PAK3: variants seen among roughly 807,000 people sequenced by gnomAD.
PAK3 encodes serine/threonine-protein kinase PAK 3.
A neutral mutation model predicts 41.0 loss-of-function variants in PAK3; 4 were observed. The observed-to-expected ratio is 0.10, with a 90% confidence interval of 0.05 to 0.22. The LOEUF is 0.22. Ranked by LOEUF, PAK3 falls within the 10% of genes least tolerant of loss-of-function variation. PAK3 has a pLI of 1.00. For missense variants in PAK3, 205 were observed against 409.9 expected, an observed-to-expected ratio of 0.50 and a Z score of 4.32; for synonymous variants, 146 against 139.6, an observed-to-expected ratio of 1.05 and a Z score of -0.32.
intron 1 of PAK3, among the ~76,000 whole-genome samples, chrX:110,958,336 A>G (rs2090908656): frequency 9.0e-6 from 1 of 111,435 alleles, no homozygotes; most frequent in African/African-American, 3.3e-5. Flanking sequence ...AATCAGGGTA[A>G]TGTAATTCAT....
At chrX:111,111,596 C>T (rs1184378039) in intron 4 of PAK3, among the ~76,000 whole-genome samples, 1 of 111,928 alleles carries the variant, frequency 8.9e-6, no homozygotes, top group African/African-American at 3.2e-5. Flanking sequence ...CTAATGGTTG[C>T]TAATACAAGG....
chrX:111,158,790 T>C lies in PAK3; in HGVS notation c.469-4125T>C, dbSNP rs138114648. 1.9e-3 allele frequency among the ~76,000 whole-genome samples: 214 copies of C among 112,263 alleles called. 1 individual carries two copies. The highest frequency in any genetic ancestry group is 4.3e-3 in the Admixed American group (45 of 10,582). Reference sequence around the variant, plus strand: ...ATGGGGAATGGTTTCCACTGGAAGTTAGCAGTGAAGATAGTAATGAATGTT... The same window carrying C: ...ATGGGGAATGGTTTCCACTGGAAGTCAGCAGTGAAGATAGTAATGAATGTT... On this transcript the variant is annotated intron_variant, in intron 8 of 17. Coordinates refer to ENST00000372007, the MANE Select transcript of PAK3 (RefSeq NM_002578.5).
At chrX:111,145,723 T>C (rs1259468181) in intron 6 of PAK3, among the ~76,000 whole-genome samples, 1 of 111,926 alleles carries the variant, frequency 8.9e-6, no homozygotes, top group Non-Finnish European at 1.9e-5. Flanking sequence ...GGGTCAAGCA[T>C]GTTTCTGTAG....
In PAK3 at chrX:111,101,657, C is replaced by T. The variant is rs187146115; in HGVS notation, c.-175-1502C>T. 4.5e-5 allele frequency among the ~76,000 whole-genome samples: 5 copies of T among 111,989 alleles called. No individual in the cohort carries two copies. The East Asian group carries it at 1.1e-3, about 25-fold the overall frequency. Reference sequence around the variant, plus strand: ...CCATTCTTCCTGTGTCCTCCTTGAGCCCCACCCCTCTCTGGAGCTTTGGCA... The same window carrying T: ...CCATTCTTCCTGTGTCCTCCTTGAGTCCCACCCCTCTCTGGAGCTTTGGCA... On this transcript the variant is annotated intron_variant, in intron 3 of 17. Coordinates refer to ENST00000372007, the MANE Select transcript of PAK3 (RefSeq NM_002578.5).
rs2093227731 is a variant in PAK3 at position 111,105,096 on chromosome X, T to C, written c.-28+1790T>C. ...TCATTCAAAATGATGATCACTCTTA[T>C]GCCCTCACCCTCACACACAATCATA... On this transcript the variant is annotated intron_variant, in intron 4 of 17. Transcript: ENST00000372007. Among the ~76,000 whole-genome samples the C allele has an allele frequency of 3.6e-5, 4 of 111,860 alleles. No homozygotes were observed. The South Asian group carries it at 1.5e-3, about 42-fold the overall frequency.
chrX:111,039,390 C>A (rs1243753515), intron 1 of PAK3, among the ~76,000 whole-genome samples: 1 of 112,019 alleles, frequency 8.9e-6, no homozygotes, highest in African/African-American at 3.2e-5. Flanking sequence ...ATTATCATGT[C>A]ATAAAAAGAA....
At chrX:111,037,097 A>T (rs942648104) in intron 1 of PAK3, among the ~76,000 whole-genome samples, 18 of 110,954 alleles carry the variant, frequency 1.6e-4, no homozygotes, top group African/African-American at 5.6e-4. Flanking sequence ...GGCTTGCACC[A>T]CCATGCCCGG....
At chrX:111,114,867 G>A (rs1377469407) in intron 4 of PAK3, among the ~76,000 whole-genome samples, 2 of 112,126 alleles carry the variant, frequency 1.8e-5, no homozygotes, top group Non-Finnish European at 3.8e-5. Flanking sequence ...TGCAGTCTCC[G>A]CAGGAATGAG....
At chrX:110,947,055 A>C (rs1462015726) in intron 1 of PAK3, among the ~76,000 whole-genome samples, 1 of 111,790 alleles carries the variant, frequency 8.9e-6, no homozygotes, top group Non-Finnish European at 1.9e-5. Flanking sequence ...TAGGCTGATA[A>C]ATGGCCCTGG....
chrX:111,170,968 T>C (rs1490566001), intron 10 of PAK3, among the ~76,000 whole-genome samples: 1 of 111,061 alleles, frequency 9.0e-6, no homozygotes, highest in Non-Finnish European at 1.9e-5. Flanking sequence ...TAAGGAATTA[T>C]GAACAGTGGA....
intron 6 of PAK3, among the ~76,000 whole-genome samples, chrX:111,144,280 C>T (rs1369308771): frequency 2.7e-5 from 3 of 111,590 alleles, no homozygotes; most frequent in Non-Finnish European, 3.8e-5. Flanking sequence ...TCCATTGTTA[C>T]GAATCCATTG....
chrX:111,200,427 A>AATGCTATAG (rs1177503680), intron 16 of PAK3, among the ~76,000 whole-genome samples: 1 of 111,695 alleles, frequency 9.0e-6, no homozygotes, highest in African/African-American at 3.3e-5. Flanking sequence ...TGCCCTAATG[A>AATGCTATAG]ATGCTATAGG....
At chrX:111,024,553 A>G (rs913357439) in intron 1 of PAK3, among the ~76,000 whole-genome samples, 1 of 111,418 alleles carries the variant, frequency 9.0e-6, no homozygotes, top group African/African-American at 3.3e-5. Context: ...AAAAAAGGCA[A>G]GGAGGGACAT....
At chrX:111,009,487 C>T (rs899784632) in intron 1 of PAK3, among the ~76,000 whole-genome samples, 1 of 17,901 alleles carries the variant, frequency 5.6e-5, no homozygotes, top group African/African-American at 6.0e-5. Context: ...GCCCATTGAC[C>T]TTAGTCTTCG....
At chrX:110,973,249 A>G (rs993207961) in intron 1 of PAK3, among the ~76,000 whole-genome samples, 1 of 111,419 alleles carries the variant, frequency 9.0e-6, no homozygotes, top group African/African-American at 3.3e-5. Context: ...AGCAAACCCA[A>G]CACACCTAAT....
At chrX:110,947,643 A>G (rs1294124861) in intron 1 of PAK3, among the ~76,000 whole-genome samples, 2 of 112,039 alleles carry the variant, frequency 1.8e-5, no homozygotes, top group African/African-American at 3.2e-5. Context: ...TACTAGGCTA[A>G]TGAATATTGT....
chrX:111,202,735 A>C (rs2094697835), intron 16 of PAK3, among the ~76,000 whole-genome samples: 1 of 111,856 alleles, frequency 8.9e-6, no homozygotes, highest in Admixed American at 9.5e-5. Context: ...TAATGGGGCT[A>C]TTCTTATCAA....
rs781097035 is a variant in PAK3 at position 111,217,843 on chromosome X, T to C, written c.1545+1285T>C. Among the ~76,000 whole-genome samples, 14 of 112,292 alleles carry C rather than the reference T, an allele frequency of 1.2e-4. No homozygotes were observed. In the East Asian group the frequency reaches 3.4e-3, roughly 27 times the overall value. ...CACATTCTGATACACATTCCTCTTATATCTTCTTGTAAGGATAATTGAAGG... is the reference window on the plus strand; with the variant it reads ...CACATTCTGATACACATTCCTCTTACATCTTCTTGTAAGGATAATTGAAGG... On this transcript the variant is annotated intron_variant, in intron 17 of 17. Coordinates refer to ENST00000372007, the MANE Select transcript of PAK3 (RefSeq NM_002578.5).
intron 1 of PAK3, among the ~76,000 whole-genome samples, chrX:110,972,623 G>C (rs772122125): frequency 8.9e-6 from 1 of 111,851 alleles, no homozygotes; most frequent in Non-Finnish European, 1.9e-5. Flanking sequence ...AGCAGAAAGG[G>C]GGAAAATTCT....
Sources: gnomAD v4.1 joint callset for allele counts (sites outside exome capture counted in the v4.1 genomes callset) on GRCh38, gnomAD v4.1.1 for gene constraint, MANE v1.5 for transcripts, NCBI Gene and HGNC (gene_info 2026-07-23, HGNC 2026-07-21) for gene names.